Variants in FHOD3 observed in about 807,000 individuals in gnomAD.
FHOD3 encodes formin homology 2 domain containing 3, also known as FH1/FH2 domain-containing protein 3.
FHOD3 carries 90 observed loss-of-function variants against 173.0 expected under a neutral mutation model. The observed-to-expected ratio is 0.52, with a 90% CI of 0.44 to 0.62. FHOD3 has a LOEUF of 0.62. FHOD3 is among the 20% of genes least tolerant of loss of function. The probability of loss-of-function intolerance (pLI) is 0.00; values close to 1 mark genes in which losing one functional copy is unlikely to be tolerated. For synonymous variants in FHOD3, 828 were observed against 823.0 expected (o/e 1.01, Z -0.10); for missense variants, 1,945 against 2,034.7 (o/e 0.96, Z 0.85).
intron 11 of FHOD3, among the ~76,000 whole-genome samples, chr18:36,651,977 G>A (rs1179531966): frequency 6.6e-6 from 1 of 152,146 alleles, no homozygotes; most frequent in African/African-American, 2.4e-5. Context: ...TATGAAACGG[G>A]CAAAATTTGT....
chr18:36,417,092 G>A (rs980226129), intron 3 of FHOD3, among the ~76,000 whole-genome samples: 1 of 152,082 alleles, frequency 6.6e-6, no homozygotes, highest in African/African-American at 2.4e-5. Context: ...TAAGTTCAGG[G>A]AGTACGTGTG....
At chr18:36,742,545 C>T (rs929797736) in intron 21 of FHOD3, among the ~76,000 whole-genome samples, 192 bp from the exon 22 acceptor site, 2 of 152,136 alleles carry the variant, frequency 1.3e-5, no homozygotes, top group African/African-American at 2.4e-5. Flanking sequence ...TCCTTTTGGT[C>T]TCCACTGCAG....
In FHOD3 at chr18:36,594,897, A is replaced by G. The variant is rs777192958; in HGVS notation, c.717A>G (p.Arg239=). 3 of 1,605,636 alleles carry G rather than the reference A, an allele frequency of 1.9e-6. No homozygotes were observed. Among genetic ancestry groups the G allele is most frequent in the East Asian group, 4.5e-5 (2 of 44,818 alleles). The change falls in exon 7 of 29, where the codon AGA becomes AGG. Residue 239 remains arginine (R), a splice_region_variant and synonymous_variant. Coordinates refer to ENST00000590592, the MANE Select transcript of FHOD3 (RefSeq NM_001281740.3). ...IQAVTAVDTK[R]GVKPWSNIME... is the part of the protein sequence containing the mutation. ...CTGTCACTGCTGTTGACACGAAAAG[A>G]GGTGAGTAGTCCCTGCCCCCTTATG...
At chr18:36,376,862 C>A (rs1477042469) in intron 3 of FHOD3, among the ~76,000 whole-genome samples, 1 of 152,214 alleles carries the variant, frequency 6.6e-6, no homozygotes, top group East Asian at 1.9e-4. Context: ...TCAAGAAGAA[C>A]CTCCTAGTGC....
intron 3 of FHOD3, among the ~76,000 whole-genome samples, chr18:36,473,278 G>A (rs141104908): frequency 0.026 from 3,984 of 152,270 alleles, 175 homozygotes; most frequent in African/African-American, 0.091. Context: ...GCTGAGTATG[G>A]TGGCACACGC....
intron 5 of FHOD3, among the ~76,000 whole-genome samples, chr18:36,531,640 A>G (rs1277398313): frequency 6.6e-6 from 1 of 152,242 alleles, no homozygotes; most frequent in African/African-American, 2.4e-5. Flanking sequence ...TCTGTTTGAT[A>G]CGAACAAACA....
intron 16 of FHOD3, among the ~76,000 whole-genome samples, chr18:36,690,647 C>G (rs1337606581): frequency 6.6e-6 from 1 of 152,172 alleles, no homozygotes; most frequent in African/African-American, 2.4e-5. Flanking sequence ...GCCTTCACCA[C>G]TCTGGCCACT....
chr18:36,441,277 G>GT (rs2051131326), intron 3 of FHOD3, among the ~76,000 whole-genome samples: 2 of 152,192 alleles, frequency 1.3e-5, no homozygotes, highest in African/African-American at 4.8e-5. Flanking sequence ...ACCTGCATGA[G>GT]CCAGGCATTG....
At chr18:36,756,319 AGT>A (rs2042632955) in intron 25 of FHOD3, among the ~76,000 whole-genome samples, 1 of 151,954 alleles carries the variant, frequency 6.6e-6, no homozygotes, top group African/African-American at 2.4e-5. Context: ...AGGACTCTAG[AGT>A]GTGATTTTTT....
At chr18:36,302,399 C>G (rs976551724) in intron 1 of FHOD3, among the ~76,000 whole-genome samples, 11 of 152,294 alleles carry the variant, frequency 7.2e-5, no homozygotes, top group South Asian at 4.1e-4. Flanking sequence ...GCCCCTCCCC[C>G]CCGACCTGCT....
chr18:36,558,955 T>C (rs892735635), intron 5 of FHOD3, among the ~76,000 whole-genome samples: 8 of 152,122 alleles, frequency 5.3e-5, no homozygotes, highest in African/African-American at 1.9e-4. Flanking sequence ...TGTGCTCTGC[T>C]CAGTGCTCAG....
At chr18:36,590,854 G>C (rs540362302) in intron 6 of FHOD3, among the ~76,000 whole-genome samples, 212 of 152,280 alleles carry the variant, frequency 1.4e-3, no homozygotes, top group African/African-American at 4.7e-3. Context: ...AATGGCTTAG[G>C]GATTCTGGGT....
Position 36,769,395 on chromosome 18 carries a change from G to C in FHOD3, c.4755G>C (p.Glu1585Asp), listed in dbSNP as rs2043277194. The change falls in exon 28 of 29, where the codon GAG becomes GAC. Residue 1585 changes from glutamate to aspartate, a missense_variant. By Grantham distance (45) the Glu-to-Asp change is conservative (BLOSUM62 2). Transcript: ENST00000590592. ...QVPSQRVVPR[E>D]RKRSRANRKS... is the part of the protein sequence containing the mutation. ...CCAGTCAGCGAGTGGTGCCGAGGGA[G>C]AGGAAACGATCCCGGGCCAACCGGA... 6.2e-7 allele frequency: 1 copy of C among 1,614,062 alleles called. No homozygotes were observed. Among genetic ancestry groups the C allele is most frequent in the African/African-American group, 1.3e-5 (1 of 74,928 alleles).
At chr18:36,300,548 C>A (rs1350052846) in intron 1 of FHOD3, among the ~76,000 whole-genome samples, 1 of 152,128 alleles carries the variant, frequency 6.6e-6, no homozygotes, top group African/African-American at 2.4e-5. Flanking sequence ...ACCAGTGAGG[C>A]TTTTTGGGCC....
intron 8 of FHOD3, among the ~76,000 whole-genome samples, chr18:36,605,780 A>T (rs1310936641): frequency 1.3e-5 from 2 of 152,240 alleles, no homozygotes; most frequent in Non-Finnish European, 2.9e-5. Flanking sequence ...ATAACAAATT[A>T]AAATGTTAAT....
intron 14 of FHOD3, among the ~76,000 whole-genome samples, chr18:36,669,029 G>T (rs1049974073): frequency 6.6e-6 from 1 of 151,902 alleles, no homozygotes; most frequent in African/African-American, 2.4e-5. Flanking sequence ...TATCCTTAGT[G>T]CTTGTCTGTC....
chr18:36,758,054 A>G (rs968258128), intron 25 of FHOD3, among the ~76,000 whole-genome samples: 8 of 152,220 alleles, frequency 5.3e-5, no homozygotes, highest in African/African-American at 1.9e-4. Context: ...AATATTTTAT[A>G]TATGTAGCAC....
chr18:36,502,136 C>T (rs1229741564), intron 4 of FHOD3, 137 bp downstream of exon 4: 1 of 451,564 alleles, frequency 2.2e-6, no homozygotes, highest in African/African-American at 2.0e-5. Flanking sequence ...TTACAATATA[C>T]ATTAGGTCAT....
At chr18:36,355,275 C>T (rs1022033576) in intron 1 of FHOD3, among the ~76,000 whole-genome samples, 1 of 152,176 alleles carries the variant, frequency 6.6e-6, no homozygotes, top group African/African-American at 2.4e-5. Context: ...AGCGCTGGCC[C>T]AGTGCCCAAA....
Sources: gnomAD v4.1 joint callset for allele counts (sites outside exome capture counted in the v4.1 genomes callset) on GRCh38, gnomAD v4.1.1 for gene constraint, MANE v1.5 for transcripts, NCBI Gene and HGNC (gene_info 2026-07-23, HGNC 2026-07-21) for gene names.